The following FOCAD variants were observed in gnomAD, a reference collection of about 807,000 sequenced individuals.
The protein encoded by FOCAD is KIAA1797.
In FOCAD, 198 loss-of-function variants were observed where a neutral mutation model predicts 225.6. The observed-to-expected ratio is 0.88, with a 90% CI of 0.78 to 0.99. The LOEUF (loss-of-function observed/expected upper bound fraction) is 0.99, where lower values mean the gene tolerates loss of function less well. FOCAD is among the 50% of genes least tolerant of loss of function. The pLI, the probability that FOCAD is intolerant of heterozygous loss-of-function variation, is 0.00. For synonymous variants in FOCAD, 897 were observed against 755.0 expected (o/e 1.19, Z -3.08); for missense variants, 2,713 against 2,123.6 (o/e 1.28, Z -5.46).
rs1323055814 is a variant in FOCAD at position 20,720,539 on chromosome 9, T to G, written c.287+5T>G. On this transcript the variant is annotated splice_donor_5th_base_variant and intron_variant, in intron 4 of 43. Transcript: ENST00000338382. The stretch of plus-strand genomic sequence containing the variant: ...CAACTTGATTCCATCAACCAGGTAC[T>G]TTTTCCTCAGTGTTTGGTCAGTTAA... 6.2e-7 allele frequency: 1 copy of G among 1,613,032 alleles called. No individual in the cohort carries two copies. The highest frequency in any genetic ancestry group is 8.5e-7 in the Non-Finnish European group (1 of 1,179,610).
intron 28 of FOCAD, among the ~76,000 whole-genome samples, chr9:20,937,358 A>G (rs1363804285): frequency 6.6e-6 from 1 of 152,058 alleles, no homozygotes; most frequent in Non-Finnish European, 1.5e-5. Flanking sequence ...CCAAAACAGC[A>G]TGGTACTGGT....
intron 1 of FOCAD, among the ~76,000 whole-genome samples, chr9:20,690,631 C>T (rs555777620): frequency 6.6e-6 from 1 of 152,284 alleles, no homozygotes; most frequent in African/African-American, 2.4e-5. Context: ...TCGCCACAGC[C>T]TTGAACTCCT....
chr9:20,673,495 T>G (rs1248216195), intron 2 of FOCAD, among the ~76,000 whole-genome samples: 1 of 152,200 alleles, frequency 6.6e-6, no homozygotes, highest in Non-Finnish European at 1.5e-5. Flanking sequence ...TGCATTCTCC[T>G]GGGGGTTATG....
intron 15 of FOCAD, among the ~76,000 whole-genome samples, chr9:20,841,795 G>T (rs552522484): frequency 6.6e-6 from 1 of 150,622 alleles, no homozygotes; most frequent in African/African-American, 2.4e-5. Flanking sequence ...TTCTAATTTT[G>T]GGTTTGATTT....
chr9:20,989,996 G>A, intron 41 of FOCAD, 127 bp from the exon 42 acceptor site: 1 of 1,026,000 alleles, frequency 9.7e-7, no homozygotes, highest in East Asian at 2.4e-5. Flanking sequence ...GTGGGGGTAG[G>A]GCAGGAGGGA....
At chr9:20,766,296 T>G (rs1830048061) in intron 7 of FOCAD, among the ~76,000 whole-genome samples, 1 of 152,210 alleles carries the variant, frequency 6.6e-6, no homozygotes, top group South Asian at 2.1e-4. Context: ...CTGGAACTAG[T>G]GACAGTAGCA....
chr9:20,872,642 C>A (rs1829891471), intron 18 of FOCAD, among the ~76,000 whole-genome samples: 1 of 151,178 alleles, frequency 6.6e-6, no homozygotes, highest in Non-Finnish European at 1.5e-5. Flanking sequence ...TTCTTGCTTG[C>A]TTGCTTGCTT....
chr9:20,833,985 C>G (rs1825752548), intron 15 of FOCAD, among the ~76,000 whole-genome samples: 1 of 152,038 alleles, frequency 6.6e-6, no homozygotes, highest in Non-Finnish European at 1.5e-5. Context: ...AATTCCACTT[C>G]TAGATACTTA....
chr9:20,936,611 G>A (rs1389568101), intron 28 of FOCAD, among the ~76,000 whole-genome samples: 10 of 152,088 alleles, frequency 6.6e-5, no homozygotes, highest in South Asian at 4.1e-4. Context: ...GGTGGATCAC[G>A]AGGTCAGGAG....
At chr9:20,674,873 A>T (rs961331873) in intron 2 of FOCAD, among the ~76,000 whole-genome samples, 2 of 152,228 alleles carry the variant, frequency 1.3e-5, no homozygotes, top group East Asian at 3.8e-4. Context: ...GATTCCTTCA[A>T]AATTTCCCCC....
At chr9:20,794,485 T>C (rs538644615) in intron 11 of FOCAD, among the ~76,000 whole-genome samples, 1 of 152,258 alleles carries the variant, frequency 6.6e-6, no homozygotes, top group Admixed American at 6.5e-5. Flanking sequence ...CTAATAGGAA[T>C]TCCAGGGTGA....
chr9:20,970,833 A>C (rs181726481), intron 35 of FOCAD, among the ~76,000 whole-genome samples: 53 of 152,308 alleles, frequency 3.5e-4, no homozygotes, highest in African/African-American at 1.2e-3. Context: ...ATATTGTAAA[A>C]TATGTAACAT....
chr9:20,765,815 T>C (rs138403326), intron 7 of FOCAD, among the ~76,000 whole-genome samples: 1 of 152,206 alleles, frequency 6.6e-6, no homozygotes, highest in Non-Finnish European at 1.5e-5. Context: ...ATCATCTAGG[T>C]TTGCTATTTG....
chr9:20,656,718 T>C (rs1162411645), upstream of FOCAD, among the ~76,000 whole-genome samples: 1 of 152,182 alleles, frequency 6.6e-6, no homozygotes, highest in Non-Finnish European at 1.5e-5. Context: ...TGATGGGTCT[T>C]GACTGTTTAT....
chr9:20,941,200 C>G (rs773583199), intron 28 of FOCAD, among the ~76,000 whole-genome samples: 1 of 152,160 alleles, frequency 6.6e-6, no homozygotes, highest in Non-Finnish European at 1.5e-5. Context: ...ATGGACATCT[C>G]CCTGCTGAAA....
At chr9:20,746,469 A>C (rs1268249879) in intron 5 of FOCAD, among the ~76,000 whole-genome samples, 2 of 152,130 alleles carry the variant, frequency 1.3e-5, no homozygotes, top group Non-Finnish European at 2.9e-5. Context: ...ATTTCTTTTT[A>C]ACTTACTGTA....
chr9:20,780,166 A>G (rs1025818175), intron 9 of FOCAD, among the ~76,000 whole-genome samples: 1 of 152,228 alleles, frequency 6.6e-6, no homozygotes, highest in African/African-American at 2.4e-5. Context: ...ACCACTGTCT[A>G]TCATCTGCCC....
At chr9:20,789,752 C>G (rs532184313) in intron 11 of FOCAD, 144 bp downstream of exon 11, 2 of 989,252 alleles carry the variant, frequency 2.0e-6, no homozygotes, top group African/African-American at 3.3e-5. Context: ...CTTTATCCTT[C>G]CATTTTTTTC....
At chr9:20,714,636 CT>C (rs869089239) in intron 1 of FOCAD, among the ~76,000 whole-genome samples, 4 of 98,362 alleles carry the variant, frequency 4.1e-5, no homozygotes, top group Non-Finnish European at 8.7e-5. Context: ...GCCTGCCTGC[CT>C]TCCTTCCTTC....
Sources: allele counts gnomAD v4.1 joint callset (sites outside exome capture counted in the v4.1 genomes callset), GRCh38; gene constraint gnomAD v4.1.1; transcripts MANE v1.5; gene names NCBI Gene and HGNC (gene_info 2026-07-23, HGNC 2026-07-21).